CABLES1: variants seen among roughly 807,000 people sequenced by gnomAD.
CABLES1 encodes the protein Cdk5 and Abl enzyme substrate 1, also known as CDK5 and ABL1 enzyme substrate 1.
CABLES1 carries 36 observed loss-of-function variants against 57.8 expected under a neutral mutation model. That is an observed-to-expected ratio of 0.62 (90% CI 0.48 to 0.82). The LOEUF is 0.82. Ranked by LOEUF, CABLES1 falls within the 40% of genes least tolerant of loss-of-function variation. The pLI is 0.00. For missense variants in CABLES1, 767 were observed against 836.6 expected (o/e 0.92, Z 1.03); for synonymous variants, 374 against 363.0 (o/e 1.03, Z -0.35).
intron 3 of CABLES1, chr18:23,197,224 C>T (rs780766388): frequency 6.6e-6 from 1 of 152,226 alleles, no homozygotes; most frequent in Non-Finnish European, 1.5e-5. Flanking sequence ...AAATATACCT[C>T]GTGATCAATA....
intron 4 of CABLES1, among the ~76,000 whole-genome samples, chr18:23,215,690 G>C (rs893707063): frequency 6.6e-6 from 1 of 152,108 alleles, no homozygotes; most frequent in African/African-American, 2.4e-5. Flanking sequence ...GTGTGCCCCT[G>C]AACAGCTTAG....
At chr18:23,149,648 C>A (rs528077790) in intron 1 of CABLES1, 1 of 152,206 alleles carries the variant, frequency 6.6e-6, no homozygotes, top group Non-Finnish European at 1.5e-5. Context: ...GATTCTTTGG[C>A]GTGTTAGCCC....
At chr18:23,231,651 C>T (rs908965251) in intron 4 of CABLES1, among the ~76,000 whole-genome samples, 4 of 152,148 alleles carry the variant, frequency 2.6e-5, no homozygotes, top group African/African-American at 4.8e-5. Flanking sequence ...TCCCAAGTGT[C>T]GCTGAGACGC....
chr18:23,183,884 C>G (rs1030896545), intron 1 of CABLES1, among the ~76,000 whole-genome samples: 1 of 152,114 alleles, frequency 6.6e-6, no homozygotes, highest in African/African-American at 2.4e-5. Flanking sequence ...GGCCGCCCGC[C>G]CTGAGGCTTT....
At position 23,235,763 on chromosome 18, in the gene CABLES1, C is replaced by G. The variant is rs1342862246; in HGVS notation, c.1186-132C>G. 8 of 929,194 alleles carry G rather than the reference C, an allele frequency of 8.6e-6. No individual in the cohort carries two copies. In the Admixed American group the frequency reaches 1.3e-4, roughly 15 times the overall value. 57.6% of individuals were successfully genotyped at this position (929,194 alleles called of 1,614,324 possible). On this transcript the variant is annotated intron_variant, in intron 5 of 9. Transcript: ENST00000256925. ...CCAAAACAAATTTCATTTTTCAGAT[C>G]TCATTGAATTTCAGAATTGCAAATA...
intron 1 of CABLES1, among the ~76,000 whole-genome samples, chr18:23,182,660 A>G (rs1194232937): frequency 6.6e-6 from 1 of 152,218 alleles, no homozygotes; most frequent in African/African-American, 2.4e-5. Flanking sequence ...CTCATTTCAT[A>G]CTGGAAGCAG....
intron 7 of CABLES1, among the ~76,000 whole-genome samples, chr18:23,251,531 A>G (rs574461622): frequency 1.1e-4 from 16 of 152,226 alleles, no homozygotes; most frequent in Non-Finnish European, 2.2e-4. Context: ...AGGAGGGATG[A>G]GATGAACTGG....
In CABLES1 at chr18:23,191,850, A is replaced by G. The variant is rs1233910696; in HGVS notation, c.918-2598A>G. On this transcript the variant is annotated intron_variant, in intron 2 of 9. Transcript: ENST00000256925. The stretch of plus-strand genomic sequence containing the variant: ...TCCAGTTCCTTGGCAATTGTTGCCA[A>G]CGCCACAATTCTCTTAAAGCATTTC... Among the ~76,000 whole-genome samples the G allele has an allele frequency of 2.7e-5, 4 of 146,122 alleles. No homozygotes were observed. The South Asian group carries it at 6.6e-4, about 24-fold the overall frequency.
chr18:23,223,435 G>A (rs1598838814), intron 4 of CABLES1, among the ~76,000 whole-genome samples: 2 of 151,882 alleles, frequency 1.3e-5, no homozygotes, highest in East Asian at 1.9e-4. Context: ...AAAATTAGCC[G>A]GACGTACTGG....
At chr18:23,216,238 C>T (rs2047441022) in intron 4 of CABLES1, among the ~76,000 whole-genome samples, 1 of 152,176 alleles carries the variant, frequency 6.6e-6, no homozygotes, top group African/African-American at 2.4e-5. Flanking sequence ...GTGCTCATCC[C>T]CATTTTGTAG....
At chr18:23,181,613 C>CACCT (rs1328981981) in intron 1 of CABLES1, among the ~76,000 whole-genome samples, 1 of 150,414 alleles carries the variant, frequency 6.6e-6, no homozygotes, top group Non-Finnish European at 1.5e-5. Context: ...CAGGAATACC[C>CACCT]ACCTACCTGG....
chr18:23,234,522 C>A, intron 4 of CABLES1, 86 bp from the exon 5 acceptor site: 1 of 958,186 alleles, frequency 1.0e-6, no homozygotes, highest in Non-Finnish European at 1.7e-6. Context: ...ATCGGTGTGA[C>A]TGTGTTGTCT....
rs894074345 is a variant in CABLES1 at position 23,257,059 on chromosome 18, G to T, written c.1762-168G>T. 17 of 698,556 alleles carry T rather than the reference G, an allele frequency of 2.4e-5. No homozygotes were observed. The East Asian group carries it at 4.8e-4, about 20-fold the overall frequency. The allele number at this position is 698,556 out of a possible 1,614,324, so 43.3% of individuals were successfully genotyped here. ...GAGCAGCTCCTTCACAACCAGGACC[G>T]AAGGCAGGAAGCACAGCCTGTGCCT... On this transcript the variant is annotated intron_variant, in intron 9 of 9. Transcript: ENST00000256925.
At chr18:23,254,128 G>T (rs1351839175) in intron 9 of CABLES1, among the ~76,000 whole-genome samples, 192 bp downstream of exon 9, 6 of 152,166 alleles carry the variant, frequency 3.9e-5, no homozygotes, top group Non-Finnish European at 8.8e-5. Flanking sequence ...GATCTACTTT[G>T]ACAAGACCAA....
chr18:23,246,631 TCCG>T (rs2047898726), intron 7 of CABLES1, among the ~76,000 whole-genome samples: 3 of 151,606 alleles, frequency 2.0e-5, no homozygotes, highest in South Asian at 2.1e-4. Context: ...GACCTTGTGA[TCCG>T]CCCACCTTGG....
intron 4 of CABLES1, 147 bp from the exon 5 acceptor site, chr18:23,234,461 C>T (rs899454322): frequency 9.3e-6 from 6 of 645,098 alleles, no homozygotes; most frequent in African/African-American, 1.8e-5. Flanking sequence ...GGCAAGCGCC[C>T]GAAGAGGGAC....
intron 1 of CABLES1, among the ~76,000 whole-genome samples, chr18:23,139,221 G>A (rs956423996): frequency 6.6e-6 from 1 of 151,902 alleles, no homozygotes; most frequent in Non-Finnish European, 1.5e-5. Context: ...GGCCAACATG[G>A]TGAAACCCCA....
intron 1 of CABLES1, among the ~76,000 whole-genome samples, chr18:23,145,499 C>T (rs1260511425): frequency 6.6e-6 from 1 of 152,160 alleles, no homozygotes; most frequent in Non-Finnish European, 1.5e-5. Flanking sequence ...TGCTGCTTAA[C>T]ATAATGATGT....
At chr18:23,168,032 C>CCCTA (rs2047055849) in intron 1 of CABLES1, among the ~76,000 whole-genome samples, 1 of 152,228 alleles carries the variant, frequency 6.6e-6, no homozygotes, top group Admixed American at 6.5e-5. Context: ...CCGGGACTGA[C>CCCTA]CCTACTCCTT....
Sources: gnomAD v4.1 joint callset for allele counts (sites outside exome capture counted in the v4.1 genomes callset) on GRCh38, gnomAD v4.1.1 for gene constraint, MANE v1.5 for transcripts, NCBI Gene and HGNC (gene_info 2026-07-23, HGNC 2026-07-21) for gene names.